Variants in MAP4K3 observed in about 807,000 individuals in gnomAD.
The protein encoded by MAP4K3 is MAPK/ERK kinase kinase kinase 3.
A neutral mutation model predicts 143.5 loss-of-function variants in MAP4K3; 94 were observed. That is an observed-to-expected ratio of 0.65 (90% CI 0.55 to 0.78). The LOEUF (loss-of-function observed/expected upper bound fraction) is 0.78. Ranked by LOEUF, MAP4K3 falls within the 30% of genes least tolerant of loss-of-function variation. The pLI, the probability that MAP4K3 is intolerant of heterozygous loss-of-function variation, is 0.00. For synonymous variants in MAP4K3, 416 were observed against 347.2 expected (o/e 1.20, Z -2.20); for missense variants, 1,077 against 1,068.1 (o/e 1.01, Z -0.12).
At chr2:39,285,312 G>C (rs1216298005) in intron 21 of MAP4K3, among the ~76,000 whole-genome samples, 1 of 152,008 alleles carries the variant, frequency 6.6e-6, no homozygotes, top group Non-Finnish European at 1.5e-5. Context: ...TCTTAATGAA[G>C]TAAGTTAACA....
intron 1 of MAP4K3, among the ~76,000 whole-genome samples, chr2:39,386,667 T>C (rs566228267): frequency 2.2e-3 from 341 of 152,348 alleles, no homozygotes; most frequent in Non-Finnish European, 4.2e-3. Flanking sequence ...TTTCCTTTCA[T>C]TGAACTGACT....
intron 2 of MAP4K3, among the ~76,000 whole-genome samples, chr2:39,361,970 A>T (rs1352463685): frequency 6.6e-6 from 1 of 152,062 alleles, no homozygotes; most frequent in East Asian, 1.9e-4. Context: ...GAAAAAAACA[A>T]AAGACACTTC....
intron 16 of MAP4K3, among the ~76,000 whole-genome samples, chr2:39,295,037 GA>G (rs770504063): frequency 3.9e-4 from 53 of 136,118 alleles, no homozygotes; most frequent in South Asian, 7.0e-4. Flanking sequence ...AACAAGACTT[GA>G]AAAAAAAAAA....
chr2:39,259,542 ATAAAATACT>A (rs1179061604), intron 29 of MAP4K3, among the ~76,000 whole-genome samples: 2 of 152,214 alleles, frequency 1.3e-5, no homozygotes, highest in Non-Finnish European at 2.9e-5. Context: ...TTAAAAATAC[ATAAAATACT>A]TAAAATTTCT....
At chr2:39,385,343 A>G (rs994878119) in intron 1 of MAP4K3, among the ~76,000 whole-genome samples, 2 of 151,926 alleles carry the variant, frequency 1.3e-5, no homozygotes, top group Non-Finnish European at 2.9e-5. Flanking sequence ...CCTTGCCAAG[A>G]GCTGGCATTG....
chr2:39,431,434 T>C (rs989277712), intron 1 of MAP4K3, among the ~76,000 whole-genome samples: 5 of 152,208 alleles, frequency 3.3e-5, no homozygotes, highest in African/African-American at 4.8e-5. Context: ...TCTAGTTTTG[T>C]TTTCTTAATG....
intron 1 of MAP4K3, among the ~76,000 whole-genome samples, chr2:39,387,994 G>C (rs942811220): frequency 6.6e-6 from 1 of 152,204 alleles, no homozygotes; most frequent in Admixed American, 6.5e-5. Flanking sequence ...AGTGATAAAA[G>C]AGTACAGACA....
Position 39,436,822 on chromosome 2 carries a change from G to A in MAP4K3, c.96+70C>T, listed in dbSNP as rs1027096891. ...CGTCTCCCGAGGACAGGCGGCAAGG[G>A]CTCGGACGCCCAGGCTTGGCTGCGG... On this transcript the variant is annotated intron_variant, in intron 1 of 33. Transcript: ENST00000263881. 4 of 1,371,826 alleles carry A rather than the reference G, an allele frequency of 2.9e-6. No individual in the cohort carries two copies. In the African/African-American group the frequency reaches 5.8e-5, roughly 20 times the overall value. The allele number at this position is 1,371,826 out of a possible 1,614,324, so 85.0% of individuals were successfully genotyped here.
intron 22 of MAP4K3, among the ~76,000 whole-genome samples, chr2:39,280,829 T>G (rs891446470): frequency 2.0e-5 from 3 of 152,196 alleles, no homozygotes; most frequent in Admixed American, 2.0e-4. Context: ...TTGAAATTCA[T>G]ATATGTGCTT....
chr2:39,375,223 C>T (rs1666185575), intron 2 of MAP4K3, among the ~76,000 whole-genome samples: 1 of 152,148 alleles, frequency 6.6e-6, no homozygotes, highest in Non-Finnish European at 1.5e-5. Flanking sequence ...CCTACCACTG[C>T]ACTCCAGCCT....
chr2:39,358,501 A>T (rs2148555610), intron 2 of MAP4K3, among the ~76,000 whole-genome samples: 1 of 152,330 alleles, frequency 6.6e-6, no homozygotes, highest in East Asian at 1.9e-4. Flanking sequence ...TTCTAATAGA[A>T]TGTATTAGTG....
At chr2:39,426,873 C>G (rs181826587) in intron 1 of MAP4K3, among the ~76,000 whole-genome samples, 3 of 151,800 alleles carry the variant, frequency 2.0e-5, no homozygotes, top group Non-Finnish European at 2.9e-5. Context: ...GAATACAACA[C>G]GAGCTCTAAA....
intron 18 of MAP4K3, among the ~76,000 whole-genome samples, chr2:39,292,162 TA>T (rs1558626787): frequency 1.3e-5 from 2 of 152,228 alleles, no homozygotes; most frequent in African/African-American, 4.8e-5. Context: ...TAATCAAATT[TA>T]TAATAAGCTT....
intron 1 of MAP4K3, among the ~76,000 whole-genome samples, chr2:39,413,827 G>C (rs1667296998): frequency 6.6e-6 from 1 of 151,738 alleles, no homozygotes; most frequent in Admixed American, 6.6e-5. Context: ...CTCTGCTTTG[G>C]ATCATTTTGT....
intron 1 of MAP4K3, among the ~76,000 whole-genome samples, chr2:39,385,470 CCTTTGATGAA>C (rs982542905): frequency 5.4e-5 from 8 of 149,064 alleles, no homozygotes; most frequent in African/African-American, 2.0e-4. Context: ...TACCTGCCAT[CCTTTGATGAA>C]CTGTTTTCCA....
chr2:39,302,601 C>T (rs1211725062), intron 15 of MAP4K3, among the ~76,000 whole-genome samples: 1 of 152,140 alleles, frequency 6.6e-6, no homozygotes, highest in Non-Finnish European at 1.5e-5. Flanking sequence ...CAGAAAAATG[C>T]TACCAAAATA....
chr2:39,298,371 A>T (rs1238968256), intron 16 of MAP4K3, among the ~76,000 whole-genome samples: 1 of 152,138 alleles, frequency 6.6e-6, no homozygotes, highest in Non-Finnish European at 1.5e-5. Flanking sequence ...TAATAATAGT[A>T]TCAAAGCTAA....
At chr2:39,262,970 G>A (rs551922542) in intron 28 of MAP4K3, among the ~76,000 whole-genome samples, 6 of 151,918 alleles carry the variant, frequency 3.9e-5, no homozygotes, top group African/African-American at 1.4e-4. Flanking sequence ...CTGGGTGTCT[G>A]TAATCCCAGC....
intron 24 of MAP4K3, among the ~76,000 whole-genome samples, chr2:39,272,765 C>T (rs1025757262): frequency 6.6e-6 from 1 of 152,108 alleles, no homozygotes; most frequent in Non-Finnish European, 1.5e-5. Flanking sequence ...AGCCTAAACA[C>T]GATATGATCA....
Sources: allele counts gnomAD v4.1 joint callset (sites outside exome capture counted in the v4.1 genomes callset), GRCh38; gene constraint gnomAD v4.1.1; transcripts MANE v1.5; gene names NCBI Gene and HGNC (gene_info 2026-07-23, HGNC 2026-07-21).